Variants in USP8 observed in about 807,000 individuals in gnomAD.
USP8 encodes ubiquitin specific peptidase 8, also known as ubiquitin carboxyl-terminal hydrolase 8.
In USP8, 27 loss-of-function variants were observed where a neutral mutation model predicts 130.0. The ratio of observed to expected loss-of-function variants is 0.21; its 90% CI spans 0.15 to 0.29. USP8 has a LOEUF of 0.29. Ranked by LOEUF, USP8 falls within the 10% of genes least tolerant of loss-of-function variation. The probability of loss-of-function intolerance (pLI) is 1.00; values close to 1 mark genes in which losing one functional copy is unlikely to be tolerated. For synonymous variants in USP8, 392 were observed against 444.1 expected, an observed-to-expected ratio of 0.88 and a Z score of 1.48; for missense variants, 1,029 against 1,312.2, an observed-to-expected ratio of 0.78 and a Z score of 3.33.
intron 1 of USP8, among the ~76,000 whole-genome samples, chr15:50,426,699 C>T (rs2049738857): frequency 6.6e-6 from 1 of 152,126 alleles, no homozygotes. Context: ...TTTGAGGAGT[C>T]AGGAAGTAGA....
Position 50,508,911 on chromosome 15 carries a change from G to C in USP8, c.*9823G>C, listed in dbSNP as rs2141348850. ...GCACTTTGGGAGGCCGAGGCGGGCG[G>C]ATCACGAGGTCAGGAGATTGAGACC... On this transcript the variant is annotated 3_prime_UTR_variant, in exon 20 of 20. Coordinates refer to ENST00000307179, the MANE Select transcript of USP8 (RefSeq NM_005154.5). 1 of 151,622 alleles carries C rather than the reference G, an allele frequency of 6.6e-6. No homozygotes were observed. The highest frequency in any genetic ancestry group is 2.4e-5 in the African/African-American group (1 of 41,390). 9.4% of individuals were successfully genotyped at this position (151,622 alleles called of 1,614,324 possible). A position where few individuals can be genotyped will look rare whatever the true frequency, so the allele number is the denominator to read the frequency against.
At chr15:50,448,270 A>G (rs989755817) in intron 3 of USP8, among the ~76,000 whole-genome samples, 2 of 152,146 alleles carry the variant, frequency 1.3e-5, no homozygotes, top group African/African-American at 2.4e-5. Flanking sequence ...AGTAGGCTCT[A>G]TTTGCAAAGT....
At position 50,507,288 on chromosome 15, in the gene USP8, C is replaced by CA. The variant is rs2052676234; in HGVS notation, c.*8204dup. The CA allele has an allele frequency of 6.6e-6, 1 of 152,232 alleles. No homozygotes were observed. The highest frequency in any genetic ancestry group is 6.6e-5 in the Admixed American group (1 of 15,260). 9.4% of individuals were successfully genotyped at this position (152,232 alleles called of 1,614,324 possible). ...ACAGAGTGAGACTCTGTCTCTAAAA[C>CA]AAAACAACAACAACAACAAATCCAG... On this transcript the variant is annotated 3_prime_UTR_variant, in exon 20 of 20. Coordinates refer to ENST00000307179, the MANE Select transcript of USP8 (RefSeq NM_005154.5).
At chr15:50,462,202 A>G in intron 5 of USP8, 78 bp from the exon 6 acceptor site, 1 of 1,237,098 alleles carries the variant, frequency 8.1e-7, no homozygotes, top group Non-Finnish European at 1.2e-6. Flanking sequence ...TTTCCATTTA[A>G]GAGAAGTAAA....
chr15:50,480,388 C>G (rs1040009135), intron 10 of USP8, among the ~76,000 whole-genome samples: 11 of 152,070 alleles, frequency 7.2e-5, no homozygotes, highest in Non-Finnish European at 1.3e-4. Context: ...CAGTCTTTAT[C>G]CTTTTAGAGC....
chr15:50,444,277 G>T (rs923934675), intron 3 of USP8, among the ~76,000 whole-genome samples: 1 of 151,192 alleles, frequency 6.6e-6, no homozygotes, highest in Non-Finnish European at 1.5e-5. Context: ...CCTAATTTTT[G>T]TATTTTTAGT....
At chr15:50,448,474 T>TA (rs143323978) in intron 3 of USP8, among the ~76,000 whole-genome samples, 2,585 of 152,226 alleles carry the variant, frequency 0.017, 74 homozygotes, top group African/African-American at 0.06. Flanking sequence ...TACTTGTTAG[T>TA]AAATTATATG....
At chr15:50,498,483 C>CT in intron 18 of USP8, 113 bp from the exon 19 acceptor site, 1 of 1,361,268 alleles carries the variant, frequency 7.3e-7, no homozygotes, top group Non-Finnish European at 9.8e-7. Context: ...AATTCCAAGT[C>CT]TTTGTATTTG....
chr15:50,453,355 A>G (rs1253315925), intron 4 of USP8, among the ~76,000 whole-genome samples: 2 of 152,196 alleles, frequency 1.3e-5, no homozygotes, highest in Non-Finnish European at 2.9e-5. Context: ...GTAGAACTTT[A>G]TAATTTATTT....
At chr15:50,441,522 C>G (rs2050260626) in intron 3 of USP8, 29 bp downstream of exon 3, 1 of 1,523,606 alleles carries the variant, frequency 6.6e-7, no homozygotes, top group East Asian at 2.4e-5. Flanking sequence ...TTGTTATTTC[C>G]TAAGTTATTT....
chr15:50,477,528 G>A (rs62019108), intron 10 of USP8, 29 bp downstream of exon 10: 50 of 1,580,504 alleles, frequency 3.2e-5, no homozygotes, highest in East Asian at 4.5e-5. Flanking sequence ...CATTATTCTC[G>A]CTTTTGTTTT....
In USP8 at chr15:50,496,197, T is replaced by G. The variant is rs1003434942; in HGVS notation, c.2895+113T>G. On this transcript the variant is annotated intron_variant, in intron 17 of 19. Transcript: ENST00000307179. ...CTTACAAACATTTTATCAGTAAAAC[T>G]CGGCCGGGCGCAGTGGCTCATACCT... The G allele has an allele frequency of 6.6e-6, 6 of 904,636 alleles. No homozygotes were observed. The African/African-American group carries it at 1.0e-4, about 15-fold the overall frequency. The allele number at this position is 904,636 out of a possible 1,614,324, so 56.0% of individuals were successfully genotyped here. A position where few individuals can be genotyped will look rare whatever the true frequency, so the allele number is the denominator to read the frequency against.
At chr15:50,452,002 C>T (rs753467241) in intron 4 of USP8, among the ~76,000 whole-genome samples, 5 of 152,194 alleles carry the variant, frequency 3.3e-5, no homozygotes, top group African/African-American at 7.2e-5. Context: ...GAGTGGGGTC[C>T]GTGGCCTGCT....
In USP8 at chr15:50,431,247, T is replaced by C. The variant is rs117570229; in HGVS notation, c.-66+6733T>C. Reference sequence around the variant, plus strand: ...GTTACCAAAGCATGTTTCTACCATTTTGTGTTCTTTTCTGCAGTGACCTTG... The same window carrying C: ...GTTACCAAAGCATGTTTCTACCATTCTGTGTTCTTTTCTGCAGTGACCTTG... On this transcript the variant is annotated intron_variant, in intron 1 of 19. Coordinates refer to ENST00000307179, the MANE Select transcript of USP8 (RefSeq NM_005154.5). 4.7e-5 allele frequency among the ~76,000 whole-genome samples: 7 copies of C among 147,640 alleles called. No individual in the cohort carries two copies. In the East Asian group the frequency reaches 1.2e-3, roughly 26 times the overall value.
chr15:50,426,804 C>T (rs2049742429), intron 1 of USP8: 1 of 152,182 alleles, frequency 6.6e-6, no homozygotes, highest in Non-Finnish European at 1.5e-5. Flanking sequence ...GCGTACAACC[C>T]TCACCTTTGA....
At position 50,506,584 on chromosome 15, in the gene USP8, A is replaced by G. The variant is rs2052661366; in HGVS notation, c.*7496A>G. On this transcript the variant is annotated 3_prime_UTR_variant, in exon 20 of 20. Coordinates refer to ENST00000307179, the MANE Select transcript of USP8 (RefSeq NM_005154.5). ...AAGGCTAACATAAACACAAAAGAAG[A>G]TGACGACAAGTAAATCCGAATTTAT... is the stretch of plus-strand genomic sequence containing the variant. 6.6e-6 allele frequency: 1 copy of G among 152,198 alleles called. No homozygotes were observed. The highest frequency in any genetic ancestry group is 1.5e-5 in the Non-Finnish European group (1 of 68,042). The allele number at this position is 152,198 out of a possible 1,614,324, so 9.4% of individuals were successfully genotyped here.
At chr15:50,463,036 C>T (rs921361756) in intron 6 of USP8, among the ~76,000 whole-genome samples, 1 of 151,976 alleles carries the variant, frequency 6.6e-6, no homozygotes, top group African/African-American at 2.4e-5. Context: ...TTGCTTGAGC[C>T]CAGGAGTTCA....
At chr15:50,483,046 C>T (rs2051831145) in intron 11 of USP8, among the ~76,000 whole-genome samples, 2 of 152,212 alleles carry the variant, frequency 1.3e-5, no homozygotes, top group African/African-American at 4.8e-5. Context: ...ATTTTATTCA[C>T]AGGAGGAGCA....
At chr15:50,426,944 T>C (rs1234865762) in intron 1 of USP8, 1 of 149,742 alleles carries the variant, frequency 6.7e-6, no homozygotes, top group Non-Finnish European at 1.5e-5. Flanking sequence ...TTCCAGTTTC[T>C]TTCTTTCTTC....
Sources: allele counts gnomAD v4.1 joint callset (sites outside exome capture counted in the v4.1 genomes callset), GRCh38; gene constraint gnomAD v4.1.1; transcripts MANE v1.5; gene names NCBI Gene and HGNC (gene_info 2026-07-23, HGNC 2026-07-21).